The following NRXN3 variants were observed in gnomAD, a reference collection of about 807,000 sequenced individuals.
The protein encoded by NRXN3 is neurexin III.
A neutral mutation model predicts 137.6 loss-of-function variants in NRXN3; 32 were observed. That is an observed-to-expected ratio of 0.23 (90% CI 0.18 to 0.31). The LOEUF (loss-of-function observed/expected upper bound fraction) is 0.31. Among genes scored for constraint, NRXN3 ranks in the 10% least tolerant of loss-of-function variants. The probability of loss-of-function intolerance (pLI) is 1.00; values close to 1 mark genes in which losing one functional copy is unlikely to be tolerated. For missense variants in NRXN3, 1,574 were observed against 2,062.5 expected, an observed-to-expected ratio of 0.76 and a Z score of 4.59; for synonymous variants, 798 against 784.5, an observed-to-expected ratio of 1.02 and a Z score of -0.29.
At chr14:79,755,550 T>C (rs1259880697) in intron 19 of NRXN3, among the ~76,000 whole-genome samples, 1 of 151,244 alleles carries the variant, frequency 6.6e-6, no homozygotes, top group Non-Finnish European at 1.5e-5. Context: ...TTTTTTTTGC[T>C]AGAAGTAGTT....
At chr14:79,088,862 A>G (rs1398119589) in intron 15 of NRXN3, among the ~76,000 whole-genome samples, 1 of 152,188 alleles carries the variant, frequency 6.6e-6, no homozygotes, top group Non-Finnish European at 1.5e-5. Flanking sequence ...ATTTTAAAAG[A>G]CACTTTTTTC....
intron 15 of NRXN3, among the ~76,000 whole-genome samples, chr14:79,258,084 T>C (rs1198385193): frequency 6.6e-6 from 1 of 152,212 alleles, no homozygotes; most frequent in Non-Finnish European, 1.5e-5. Context: ...GGGTCAAGAC[T>C]GATTAGAGTC....
chr14:78,243,016 C>T lies in NRXN3; in HGVS notation c.-78C>T, dbSNP rs1475973092. On this transcript the variant is annotated 5_prime_UTR_variant, in exon 2 of 21. Coordinates refer to ENST00000335750, the MANE Select transcript of NRXN3 (RefSeq NM_001330195.2). The surrounding 1 kb of genome is among the most constrained non-coding windows in gnomAD (Gnocchi z 4.2). Reference sequence around the variant, plus strand: ...CATCTCTGTCTTGTCTTTCCCACTTCTATTGCCAAAGGGAGAGATCCTCTC... The same window carrying T: ...CATCTCTGTCTTGTCTTTCCCACTTTTATTGCCAAAGGGAGAGATCCTCTC... 1 of 1,069,650 alleles carries T rather than the reference C, an allele frequency of 9.3e-7. No homozygotes were observed. The highest frequency in any genetic ancestry group is 1.6e-5 in the African/African-American group (1 of 62,502). 66.3% of individuals were successfully genotyped at this position (1,069,650 alleles called of 1,614,324 possible).
At chr14:78,832,407 T>C (rs2098985054) in intron 10 of NRXN3, among the ~76,000 whole-genome samples, 1 of 152,162 alleles carries the variant, frequency 6.6e-6, no homozygotes, top group Non-Finnish European at 1.5e-5. Context: ...TTACACAGCA[T>C]TCAGGTATTT....
intron 4 of NRXN3, among the ~76,000 whole-genome samples, chr14:78,428,583 A>G (rs568973474): frequency 1.4e-4 from 21 of 152,236 alleles, no homozygotes; most frequent in African/African-American, 4.3e-4. Context: ...CAGAAGAGAG[A>G]TTTTTATTAA....
chr14:79,168,129 C>G (rs2061446219), intron 15 of NRXN3, among the ~76,000 whole-genome samples: 1 of 151,970 alleles, frequency 6.6e-6, no homozygotes, highest in African/African-American at 2.4e-5. Context: ...GTGTGCTGAG[C>G]CTTACCCAAT....
chr14:79,744,878 C>G (rs897885436), intron 19 of NRXN3, among the ~76,000 whole-genome samples: 1 of 151,908 alleles, frequency 6.6e-6, no homozygotes, highest in African/African-American at 2.4e-5. Context: ...CTGAAGTATC[C>G]GGAGCAGTCC....
intron 4 of NRXN3, among the ~76,000 whole-genome samples, chr14:78,553,382 TG>T (rs1443129657): frequency 6.6e-6 from 1 of 152,172 alleles, no homozygotes; most frequent in Admixed American, 6.5e-5. Context: ...CCTGAGCCCT[TG>T]TTGGTGAACC....
intron 16 of NRXN3, among the ~76,000 whole-genome samples, chr14:79,551,125 C>G (rs1321292384): frequency 3.9e-5 from 6 of 152,146 alleles, no homozygotes; most frequent in African/African-American, 1.4e-4. Flanking sequence ...ACAGTTATCT[C>G]CCAGGATTGT....
chr14:79,211,037 C>T (rs563764617), intron 15 of NRXN3, among the ~76,000 whole-genome samples: 99 of 152,224 alleles, frequency 6.5e-4, no homozygotes, highest in South Asian at 1.0e-3. Context: ...CGCTACTCTC[C>T]TTCAAAATAA....
chr14:79,261,325 C>T (rs1052695397), intron 15 of NRXN3, among the ~76,000 whole-genome samples: 1 of 152,138 alleles, frequency 6.6e-6, no homozygotes, highest in African/African-American at 2.4e-5. Context: ...GAGATGTGTT[C>T]TCCACAGGCG....
intron 4 of NRXN3, among the ~76,000 whole-genome samples, chr14:78,405,583 T>C (rs1039531103): frequency 8.0e-6 from 1 of 125,300 alleles, no homozygotes; most frequent in Admixed American, 8.5e-5. Flanking sequence ...GGAACTTGAA[T>C]TGGCTTTAGA....
At chr14:78,254,751 C>G (rs2069242663) in intron 2 of NRXN3, among the ~76,000 whole-genome samples, 1 of 151,966 alleles carries the variant, frequency 6.6e-6, no homozygotes. Context: ...TTAGACTTGC[C>G]TAACAAGCCC....
intron 15 of NRXN3, among the ~76,000 whole-genome samples, chr14:79,184,836 T>G (rs74682785): frequency 0.036 from 5,446 of 152,326 alleles, 240 homozygotes; most frequent in East Asian, 0.21. Context: ...CTAATTTTCC[T>G]CTAGTCTTCT....
chr14:78,834,191 G>A (rs374630754), intron 10 of NRXN3, among the ~76,000 whole-genome samples: 18 of 152,200 alleles, frequency 1.2e-4, no homozygotes, highest in African/African-American at 3.6e-4. Flanking sequence ...TTCTAGGAGC[G>A]ACAGGAAGCT....
At chr14:78,995,974 C>G (rs1598353864) in intron 15 of NRXN3, among the ~76,000 whole-genome samples, 3 of 152,058 alleles carry the variant, frequency 2.0e-5, no homozygotes, top group Non-Finnish European at 4.4e-5. Context: ...ATCTTCTGTA[C>G]TCTGGGCCCC....
At chr14:79,234,077 C>A (rs992417446) in intron 15 of NRXN3, among the ~76,000 whole-genome samples, 1 of 150,712 alleles carries the variant, frequency 6.6e-6, no homozygotes, top group Non-Finnish European at 1.5e-5. Context: ...CAATTTGATA[C>A]CTAAAGGATA....
chr14:79,610,633 A>T (rs543398624), intron 16 of NRXN3, among the ~76,000 whole-genome samples: 2 of 152,180 alleles, frequency 1.3e-5, no homozygotes, highest in South Asian at 4.1e-4. Context: ...CAGGTGCTTC[A>T]TCAATATTTG....
intron 4 of NRXN3, among the ~76,000 whole-genome samples, chr14:78,452,079 G>A (rs1010602480): frequency 2.0e-5 from 3 of 152,130 alleles, no homozygotes; most frequent in Non-Finnish European, 4.4e-5. Context: ...AAATATAGCT[G>A]ACATTTATGA....
Sources: allele counts gnomAD v4.1 joint callset (sites outside exome capture counted in the v4.1 genomes callset), GRCh38; gene constraint gnomAD v4.1.1; non-coding constraint Gnocchi (gnomAD v3.1); transcripts MANE v1.5; gene names NCBI Gene and HGNC (gene_info 2026-07-23, HGNC 2026-07-21).